DACH2: variants seen among roughly 807,000 people sequenced by gnomAD.
DACH2 encodes the protein dachshund family transcription factor 2.
DACH2 carries 17 observed loss-of-function variants against 35.8 expected under a neutral mutation model. That is an observed-to-expected ratio of 0.48 (90% CI 0.33 to 0.71). DACH2 has a LOEUF of 0.71. DACH2 is among the 30% of genes least tolerant of loss of function. The pLI is 0.02. For missense variants in DACH2, 469 were observed against 472.7 expected, an observed-to-expected ratio of 0.99 and a Z score of 0.07; for synonymous variants, 195 against 177.3, an observed-to-expected ratio of 1.10 and a Z score of -0.79.
chrX:86,346,819 A>G (rs1272773104), intron 1 of DACH2, among the ~76,000 whole-genome samples: 1 of 111,760 alleles, frequency 8.9e-6, no homozygotes, highest in Non-Finnish European at 1.9e-5. Flanking sequence ...AGACTATTTC[A>G]TTTTAGAGTT....
intron 1 of DACH2, among the ~76,000 whole-genome samples, chrX:86,279,903 A>G (rs1187386253): frequency 1.8e-5 from 2 of 108,664 alleles, no homozygotes; most frequent in African/African-American, 6.7e-5. Context: ...TTGATCAAGC[A>G]GAAGAAAGGA....
At chrX:86,748,625 T>G (rs1273044803) in intron 7 of DACH2, among the ~76,000 whole-genome samples, 1 of 111,802 alleles carries the variant, frequency 8.9e-6, no homozygotes, top group Non-Finnish European at 1.9e-5. Flanking sequence ...CATGGCTCCA[T>G]CATAGAGCAG....
At chrX:86,739,065 G>A (rs998417721) in intron 6 of DACH2, among the ~76,000 whole-genome samples, 6 of 110,020 alleles carry the variant, frequency 5.5e-5, no homozygotes, top group African/African-American at 1.3e-4. Context: ...GTAGAGACGC[G>A]GTTTCACCAT....
At chrX:86,811,018 A>C (rs1287452887) in intron 7 of DACH2, among the ~76,000 whole-genome samples, 2 of 112,060 alleles carry the variant, frequency 1.8e-5, no homozygotes, top group Admixed American at 1.9e-4. Flanking sequence ...AATTCCTAGG[A>C]AGTTATTCTC....
chrX:86,499,456 G>A (rs563050835), intron 2 of DACH2, among the ~76,000 whole-genome samples: 234 of 111,361 alleles, frequency 2.1e-3, no homozygotes, highest in African/African-American at 6.9e-3. Flanking sequence ...TAAACCACAA[G>A]GCATAGAGGA....
chrX:86,381,971 G>A (rs1305417648), intron 2 of DACH2, among the ~76,000 whole-genome samples: 4 of 110,776 alleles, frequency 3.6e-5, no homozygotes, highest in Non-Finnish European at 7.6e-5. Flanking sequence ...TTATGACTTT[G>A]TGTTTGCTTT....
At chrX:86,782,731 G>A in intron 7 of DACH2, among the ~76,000 whole-genome samples, 1 of 111,513 alleles carries the variant, frequency 9.0e-6, no homozygotes, top group Non-Finnish European at 1.9e-5. Context: ...TCAGACCAAT[G>A]TCTCTCACCA....
chrX:86,494,081 G>T (rs2038132898), intron 2 of DACH2, among the ~76,000 whole-genome samples: 1 of 111,735 alleles, frequency 8.9e-6, no homozygotes, highest in Non-Finnish European at 1.9e-5. Flanking sequence ...GAGAGTACTG[G>T]CCCTGCTCTG....
chrX:86,308,713 C>T (rs2034738451), intron 1 of DACH2, among the ~76,000 whole-genome samples: 1 of 111,426 alleles, frequency 9.0e-6, no homozygotes, highest in Non-Finnish European at 1.9e-5. Context: ...GACCACTGGC[C>T]TTTTACCAGG....
chrX:86,359,122 T>TGC (rs2035695700), intron 1 of DACH2, among the ~76,000 whole-genome samples: 2 of 109,467 alleles, frequency 1.8e-5, no homozygotes, highest in East Asian at 2.9e-4. Context: ...TGTTTGTGTG[T>TGC]GCATGTGTGT....
chrX:86,208,300 A>G (rs1044362963), intron 1 of DACH2, among the ~76,000 whole-genome samples: 15 of 111,177 alleles, frequency 1.3e-4, no homozygotes, highest in Admixed American at 3.9e-4. Flanking sequence ...TTTTATTATC[A>G]TCACATGGCC....
chrX:86,694,149 A>C lies in DACH2; in HGVS notation c.773-872A>C, dbSNP rs372836658. ...CCAGCATGGGAATGGAGGCAGAACC[A>C]CTGACCCCTGAATGAATGAAGCACA... is the stretch of plus-strand genomic sequence containing the variant. On this transcript the variant is annotated intron_variant, in intron 4 of 11. Transcript: ENST00000373125. Among the ~76,000 whole-genome samples, 18 of 111,995 alleles carry C rather than the reference A, an allele frequency of 1.6e-4. No homozygotes were observed. In the East Asian group the frequency reaches 4.3e-3, roughly 27 times the overall value.
At chrX:86,283,899 C>T (rs200190131) in intron 1 of DACH2, among the ~76,000 whole-genome samples, 1 of 81,169 alleles carries the variant, frequency 1.2e-5, no homozygotes, top group East Asian at 4.4e-4. Context: ...CACACATACA[C>T]ACACACACAC....
At chrX:86,547,524 AACACACACACACACACAC>A (rs751559427) in intron 3 of DACH2, among the ~76,000 whole-genome samples, 1 of 90,850 alleles carries the variant, frequency 1.1e-5, no homozygotes, top group Admixed American at 1.3e-4. Flanking sequence ...CGTGCTGCAG[AACACACACACACACACAC>A]ACACACACAC....
chrX:86,159,222 G>T (rs1212929502), intron 1 of DACH2, among the ~76,000 whole-genome samples: 1 of 111,305 alleles, frequency 9.0e-6, no homozygotes, highest in African/African-American at 3.3e-5. Context: ...TTTGCATGTG[G>T]TCCTATACAA....
intron 7 of DACH2, chrX:86,742,564 G>A (rs139706920): frequency 0.023 from 3,911 of 171,507 alleles, 163 homozygotes; most frequent in African/African-American, 0.11. Context: ...CATTATATTC[G>A]TCATTCGTGT....
At chrX:86,376,956 A>G in intron 2 of DACH2, 94 bp downstream of exon 2, 2 of 373,930 alleles carry the variant, frequency 5.3e-6, no homozygotes, top group Non-Finnish European at 9.4e-6. Flanking sequence ...TGTTCCCTGT[A>G]CTATACTCAC....
chrX:86,623,778 G>A (rs1000200687), intron 3 of DACH2, among the ~76,000 whole-genome samples: 11 of 98,621 alleles, frequency 1.1e-4, no homozygotes, highest in African/African-American at 3.6e-4. Context: ...GGCCGGGCGC[G>A]GTGGCTCACG....
intron 1 of DACH2, among the ~76,000 whole-genome samples, chrX:86,185,937 C>A (rs1378335054): frequency 1.8e-5 from 2 of 112,053 alleles, no homozygotes; most frequent in Non-Finnish European, 3.8e-5. Flanking sequence ...ATCATTAATG[C>A]CCAGACACTG....
Sources: gnomAD v4.1 joint callset for allele counts (sites outside exome capture counted in the v4.1 genomes callset) on GRCh38, gnomAD v4.1.1 for gene constraint, MANE v1.5 for transcripts, NCBI Gene and HGNC (gene_info 2026-07-23, HGNC 2026-07-21) for gene names.